The following MYO9A variants were observed in gnomAD, a reference collection of about 807,000 sequenced individuals.
MYO9A encodes unconventional myosin-IXa.
Under a neutral mutation model 293.3 loss-of-function variants are expected in MYO9A, and 103 were observed. That is an observed-to-expected ratio of 0.35 (90% CI 0.30 to 0.41). The LOEUF (loss-of-function observed/expected upper bound fraction) is 0.41, where lower values mean the gene tolerates loss of function less well. Among genes scored for constraint, MYO9A ranks in the 10% least tolerant of loss-of-function variants. The pLI, the probability that MYO9A is intolerant of heterozygous loss-of-function variation, is 1.00. For missense variants in MYO9A, 2,685 were observed against 3,033.0 expected (o/e 0.89, Z 2.69); for synonymous variants, 1,001 against 1,035.7 (o/e 0.97, Z 0.64).
rs114410646 is a variant in MYO9A at position 71,845,287 on chromosome 15, T to C, written c.6837+3558A>G. 6.1e-3 allele frequency among the ~76,000 whole-genome samples: 899 copies of C among 147,860 alleles called. 7 individuals are homozygous for C. The highest frequency in any genetic ancestry group is 0.022 in the African/African-American group (835 of 37,312). On this transcript the variant is annotated intron_variant, in intron 39 of 41. Coordinates refer to ENST00000356056, the MANE Select transcript of MYO9A (RefSeq NM_006901.4). Reference sequence around the variant, plus strand: ...TTATGGTTCACCAGATAATCAGGGTTAGTAAGCACTTTAAATACAGCTAGT... The same window carrying C: ...TTATGGTTCACCAGATAATCAGGGTCAGTAAGCACTTTAAATACAGCTAGT...
At chr15:72,016,333 T>A (rs2077337959) in intron 6 of MYO9A, among the ~76,000 whole-genome samples, 1 of 152,102 alleles carries the variant, frequency 6.6e-6, no homozygotes, top group South Asian at 2.1e-4. Flanking sequence ...ATCTATGTAG[T>A]TCCAAATCCT....
rs115212689 is a variant in MYO9A, at chr15:71,976,127, G to A, written c.1844+2044C>T. On this transcript the variant is annotated intron_variant, in intron 12 of 41. Coordinates refer to ENST00000356056, the MANE Select transcript of MYO9A (RefSeq NM_006901.4). Reference sequence around the variant, plus strand: ...GTGCAGTTTTGGGGACTGAGCCCTCGATCTGTGGGATCTGATACTACCTCC... The same window carrying A: ...GTGCAGTTTTGGGGACTGAGCCCTCAATCTGTGGGATCTGATACTACCTCC... 4.7e-3 allele frequency among the ~76,000 whole-genome samples: 723 copies of A among 152,222 alleles called. 7 individuals are homozygous for A. Among genetic ancestry groups the A allele is most frequent in the African/African-American group, 0.017 (692 of 41,532 alleles).
chr15:72,049,966 G>A (rs1057320973), intron 1 of MYO9A, among the ~76,000 whole-genome samples: 3 of 152,102 alleles, frequency 2.0e-5, no homozygotes, highest in Non-Finnish European at 4.4e-5. Flanking sequence ...TTTTTAACAG[G>A]AGTCCTATCT....
chr15:71,993,625 T>G (rs2076605556), intron 10 of MYO9A: 1 of 152,108 alleles, frequency 6.6e-6, no homozygotes, highest in Non-Finnish European at 1.5e-5. Context: ...CTGCTGGAAA[T>G]GTACAGTCTT....
In MYO9A at chr15:71,825,134, A is replaced by G. The variant is rs1367911836; in HGVS notation, c.*1446T>C. ...TATCATGTTTCATTTTTTATATATT[A>G]TAAATAGCAAAAACAGATTTCTAAT... is the stretch of plus-strand genomic sequence containing the variant. On this transcript the variant is annotated 3_prime_UTR_variant, in exon 42 of 42. Coordinates refer to ENST00000356056, the MANE Select transcript of MYO9A (RefSeq NM_006901.4). 1 of 152,244 alleles carries G rather than the reference A, an allele frequency of 6.6e-6. No homozygotes were observed. The highest frequency in any genetic ancestry group is 6.5e-5 in the Admixed American group (1 of 15,282). The allele number at this position is 152,244 out of a possible 1,614,324, so 9.4% of individuals were successfully genotyped here. A position where few individuals can be genotyped will look rare whatever the true frequency, so the allele number is the denominator to read the frequency against.
In MYO9A at chr15:71,959,896, C is replaced by T. The variant is rs1231967906; in HGVS notation, c.2182+5G>A. 2.6e-6 allele frequency: 4 copies of T among 1,530,188 alleles called. No individual in the cohort carries two copies. Among genetic ancestry groups the T allele is most frequent in the African/African-American group, 1.4e-5 (1 of 72,874 alleles). 94.8% of individuals were successfully genotyped at this position (1,530,188 alleles called of 1,614,324 possible). On this transcript the variant is annotated splice_donor_5th_base_variant and intron_variant, in intron 14 of 41. Coordinates refer to ENST00000356056, the MANE Select transcript of MYO9A (RefSeq NM_006901.4). Reference sequence around the variant, plus strand: ...TATGGTAGAATACTAATAACTACTACTTACCAGTTTTTCTGTGAATGTTTC... The same window carrying T: ...TATGGTAGAATACTAATAACTACTATTTACCAGTTTTTCTGTGAATGTTTC...
At chr15:71,926,430 C>T (rs2145396295) in intron 18 of MYO9A, among the ~76,000 whole-genome samples, 1 of 152,196 alleles carries the variant, frequency 6.6e-6, no homozygotes, top group African/African-American at 2.4e-5. Context: ...TGCAGTGGGC[C>T]AGACACAGTG....
At chr15:71,879,545 GT>G (rs1424461259) in intron 30 of MYO9A, among the ~76,000 whole-genome samples, 175 bp downstream of exon 30, 4 of 152,158 alleles carry the variant, frequency 2.6e-5, no homozygotes, top group African/African-American at 9.7e-5. Context: ...AAACCATTCA[GT>G]TTCCTTGTCT....
intron 25 of MYO9A, among the ~76,000 whole-genome samples, chr15:71,894,548 T>C (rs957958963): frequency 6.6e-6 from 1 of 152,086 alleles, no homozygotes; most frequent in Non-Finnish European, 1.5e-5. Flanking sequence ...CTGCACACTC[T>C]AGCTTGGGTG....
chr15:71,826,440 A>T lies in MYO9A; in HGVS notation c.*140T>A. On this transcript the variant is annotated 3_prime_UTR_variant, in exon 42 of 42. Coordinates refer to ENST00000356056, the MANE Select transcript of MYO9A (RefSeq NM_006901.4). Reference sequence around the variant, plus strand: ...TGCAGGAGGCCCAGGAATTCAGCACATACAGTCTTAGCCATATGCTTAGAA... The same window carrying T: ...TGCAGGAGGCCCAGGAATTCAGCACTTACAGTCTTAGCCATATGCTTAGAA... The T allele has an allele frequency of 1.2e-6, 1 of 806,698 alleles. No homozygotes were observed. The highest frequency in any genetic ancestry group is 1.9e-6 in the Non-Finnish European group (1 of 532,414). The allele number at this position is 806,698 out of a possible 1,614,324, so 50.0% of individuals were successfully genotyped here. A position where few individuals can be genotyped will look rare whatever the true frequency, so the allele number is the denominator to read the frequency against.
At chr15:71,865,166 G>C (rs958439521) in intron 32 of MYO9A, among the ~76,000 whole-genome samples, 1 of 152,022 alleles carries the variant, frequency 6.6e-6, no homozygotes, top group African/African-American at 2.4e-5. Context: ...AGAAAACTTG[G>C]CAGATACAAG....
intron 3 of MYO9A, among the ~76,000 whole-genome samples, chr15:72,028,240 A>ATATATATAT (rs1429916158): frequency 3.1e-4 from 25 of 79,690 alleles, no homozygotes; most frequent in Middle Eastern, 7.7e-3. Flanking sequence ...TATATATATA[A>ATATATATAT]ATATATATAT....
At chr15:71,893,307 C>T (rs1291558981) in intron 26 of MYO9A, 2 of 646,046 alleles carry the variant, frequency 3.1e-6, no homozygotes, top group African/African-American at 1.9e-5. Flanking sequence ...CAACCATGCC[C>T]TTTCCACTAG....
intron 18 of MYO9A, among the ~76,000 whole-genome samples, chr15:71,921,193 G>C (rs2058146893): frequency 6.6e-6 from 1 of 152,178 alleles, no homozygotes; most frequent in Non-Finnish European, 1.5e-5. Context: ...AAATGGGAAA[G>C]TATTACCAAA....
Position 71,825,888 on chromosome 15 carries a change from T to TGACA in MYO9A, c.*688_*691dup, listed in dbSNP as rs1400721869. ...GGAGTTAAACCAGCACTGATTACTA[T>TGACA]GACATCAAACATCATCAAAAAAAAT... On this transcript the variant is annotated 3_prime_UTR_variant, in exon 42 of 42. Transcript: ENST00000356056. 6.6e-6 allele frequency: 1 copy of TGACA among 151,922 alleles called. No individual in the cohort carries two copies. Among genetic ancestry groups the TGACA allele is most frequent in the African/African-American group, 2.4e-5 (1 of 41,362 alleles). The allele number at this position is 151,922 out of a possible 1,614,324, so 9.4% of individuals were successfully genotyped here. A position where few individuals can be genotyped will look rare whatever the true frequency, so the allele number is the denominator to read the frequency against.
Position 71,893,453 on chromosome 15 carries a change from C to G in MYO9A, c.5142+226G>C. On this transcript the variant is annotated intron_variant, in intron 26 of 41. Coordinates refer to ENST00000356056, the MANE Select transcript of MYO9A (RefSeq NM_006901.4). ...CTGCCATAGTAAGTCAACAAAGTCTCTTGCACAAATTGCCTTCTTTTTCTT... is the reference window on the plus strand; with the variant it reads ...CTGCCATAGTAAGTCAACAAAGTCTGTTGCACAAATTGCCTTCTTTTTCTT... The G allele has an allele frequency of 5.3e-6, 3 of 562,268 alleles. No individual in the cohort carries two copies. The South Asian group carries it at 6.4e-5, about 12-fold the overall frequency. The allele number at this position is 562,268 out of a possible 1,614,324, so 34.8% of individuals were successfully genotyped here. A position where few individuals can be genotyped will look rare whatever the true frequency, so the allele number is the denominator to read the frequency against.
At chr15:72,011,342 T>A (rs1402452822) in intron 6 of MYO9A, among the ~76,000 whole-genome samples, 2 of 150,692 alleles carry the variant, frequency 1.3e-5, no homozygotes, top group Admixed American at 1.3e-4. Context: ...TATACATATA[T>A]AATTATTTAT....
intron 11 of MYO9A, among the ~76,000 whole-genome samples, chr15:71,989,341 G>C (rs1008574854): frequency 5.9e-5 from 9 of 152,052 alleles, no homozygotes; most frequent in Non-Finnish European, 4.4e-5. Context: ...TCTCATCCTA[G>C]AACTAAGAGA....
At chr15:71,883,028 T>C (rs988717099) in intron 28 of MYO9A, among the ~76,000 whole-genome samples, 1 of 152,134 alleles carries the variant, frequency 6.6e-6, no homozygotes, top group African/African-American at 2.4e-5. Context: ...GGTGTTGAAC[T>C]CCTGGACTCA....
Sources: gnomAD v4.1 joint callset for allele counts (sites outside exome capture counted in the v4.1 genomes callset) on GRCh38, gnomAD v4.1.1 for gene constraint, MANE v1.5 for transcripts, NCBI Gene and HGNC (gene_info 2026-07-23, HGNC 2026-07-21) for gene names.